Variants in CMBL observed in about 807,000 individuals in gnomAD.
CMBL encodes the protein carboxymethylenebutenolidase homolog.
CMBL carries 17 observed loss-of-function variants against 28.7 expected under a neutral mutation model. The ratio of observed to expected loss-of-function variants is 0.59; its 90% CI spans 0.41 to 0.89. The LOEUF (loss-of-function observed/expected upper bound fraction) is 0.89, where lower values mean the gene tolerates loss of function less well. Ranked by LOEUF, CMBL falls within the 40% of genes least tolerant of loss-of-function variation. The pLI is 0.00. For missense variants in CMBL, 310 were observed against 298.5 expected (o/e 1.04, Z -0.28); for synonymous variants, 106 against 101.6 (o/e 1.04, Z -0.26).
At chr5:10,288,685 C>G (rs1460330666) in intron 2 of CMBL, among the ~76,000 whole-genome samples, 156 bp from the exon 3 acceptor site, 1 of 152,244 alleles carries the variant, frequency 6.6e-6, no homozygotes, top group African/African-American at 2.4e-5. Context: ...AGCAAAGCAG[C>G]CACCTGGCAC....
At chr5:10,282,102 G>T in intron 5 of CMBL, 95 bp downstream of exon 5, 3 of 833,636 alleles carry the variant, frequency 3.6e-6, no homozygotes, top group Admixed American at 2.0e-5. Context: ...GGAGGTTGCA[G>T]TGAGCCGAGA....
In CMBL at chr5:10,278,693, T is replaced by A. The variant is rs1249765848; in HGVS notation, c.*1760A>T. ...ATCTGTAAGCAATAAACTGCTTCTG[T>A]CATTTCTTGGGTTCTGATGAGTTGC... On this transcript the variant is annotated 3_prime_UTR_variant, in exon 6 of 6. Transcript: ENST00000296658. Among the ~76,000 whole-genome samples the A allele has an allele frequency of 6.6e-6, 1 of 152,128 alleles. No homozygotes were observed. Among genetic ancestry groups the A allele is most frequent in the African/African-American group, 2.4e-5 (1 of 41,428 alleles).
At chr5:10,292,930 G>C (rs1306396565) in intron 1 of CMBL, among the ~76,000 whole-genome samples, 2 of 151,832 alleles carry the variant, frequency 1.3e-5, no homozygotes, top group African/African-American at 4.8e-5. Flanking sequence ...GGAGAACACA[G>C]TCTTTACAAG....
intron 4 of CMBL, 71 bp from the exon 5 acceptor site, chr5:10,282,359 G>A (rs546052169): frequency 9.2e-6 from 8 of 865,406 alleles, no homozygotes; most frequent in East Asian, 2.5e-5. Flanking sequence ...CACCCATGCC[G>A]CATGATCCCC....
At chr5:10,282,108 C>T (rs1245965014) in intron 5 of CMBL, 89 bp downstream of exon 5, 16 of 890,182 alleles carry the variant, frequency 1.8e-5, no homozygotes, top group Admixed American at 3.8e-5. Flanking sequence ...TGCAGTGAGC[C>T]GAGATCGCGC....
chr5:10,290,464 C>T, intron 2 of CMBL, 84 bp downstream of exon 2: 3 of 1,144,324 alleles, frequency 2.6e-6, no homozygotes, highest in Admixed American at 1.7e-5. Flanking sequence ...AGTCAGACCG[C>T]TGTGGTTTTA....
chr5:10,305,591 A>G (rs1236145794), intron 1 of CMBL, among the ~76,000 whole-genome samples: 1 of 151,730 alleles, frequency 6.6e-6, no homozygotes, highest in Non-Finnish European at 1.5e-5. Context: ...GTTTTTTTTG[A>G]GACGGAGTCT....
intron 4 of CMBL, among the ~76,000 whole-genome samples, chr5:10,285,271 C>T (rs1014018945): frequency 7.2e-5 from 11 of 152,278 alleles, no homozygotes; most frequent in South Asian, 4.1e-4. Context: ...CGGGTTCAAG[C>T]GATTCTCCTG....
At chr5:10,298,281 G>A (rs780393701) in intron 1 of CMBL, among the ~76,000 whole-genome samples, 4 of 152,038 alleles carry the variant, frequency 2.6e-5, no homozygotes, top group Non-Finnish European at 4.4e-5. Flanking sequence ...CAATCAGAAG[G>A]AAATACTGAA....
intron 4 of CMBL, among the ~76,000 whole-genome samples, chr5:10,284,366 A>C (rs1746559125): frequency 6.6e-6 from 1 of 152,232 alleles, no homozygotes; most frequent in Non-Finnish European, 1.5e-5. Context: ...AAGTAGTTGA[A>C]AATACCACAA....
At chr5:10,298,136 G>C (rs982570284) in intron 1 of CMBL, among the ~76,000 whole-genome samples, 7 of 151,680 alleles carry the variant, frequency 4.6e-5, no homozygotes, top group South Asian at 2.1e-4. Context: ...AGGGACCTGT[G>C]GGGGGAGGAG....
In CMBL at chr5:10,279,498, G is replaced by C. The variant is rs529775372; in HGVS notation, c.*955C>G. The C allele has an allele frequency of 2.0e-5, 3 of 151,666 alleles. No homozygotes were observed. Among genetic ancestry groups the C allele is most frequent in the Non-Finnish European group, 2.9e-5 (2 of 67,960 alleles). The allele number at this position is 151,666 out of a possible 1,614,324, so 9.4% of individuals were successfully genotyped here. A position where few individuals can be genotyped will look rare whatever the true frequency, so the allele number is the denominator to read the frequency against. On this transcript the variant is annotated 3_prime_UTR_variant, in exon 6 of 6. Transcript: ENST00000296658. ...CTTTCTATGATGTGTTCAAAGACCA[G>C]AAAAGGCCACACTTGACCTGTCAGC...
intron 4 of CMBL, among the ~76,000 whole-genome samples, chr5:10,285,700 CTT>C (rs34390937): frequency 1.2e-4 from 16 of 133,672 alleles, no homozygotes; most frequent in Admixed American, 1.5e-4. Flanking sequence ...CTTTCTTTTT[CTT>C]TTTTTTTTTT....
rs749978375 is a variant in CMBL at position 10,288,527 on chromosome 5, G to T, written c.218C>A (p.Thr73Asn). 1.6e-5 allele frequency: 26 copies of T among 1,605,856 alleles called. No homozygotes were observed. The highest frequency in any genetic ancestry group is 1.8e-5 in the Non-Finnish European group (21 of 1,172,632). ...ADMISGNGYT[T>N]IVPDFFVGQE... Reference sequence around the variant, plus strand: ...CCCTACAAAGAAGTCTGGAACAATGGTTCTGCAAAATATGGACATGAATTG... The same window carrying T: ...CCCTACAAAGAAGTCTGGAACAATGTTTCTGCAAAATATGGACATGAATTG... The change falls in exon 3 of 6, where the codon ACC becomes AAC. Residue 73 changes from threonine (T) to asparagine (N), a missense_variant and splice_region_variant. Physicochemically the swap from Thr to Asn is moderately conservative, Grantham distance 65. Transcript: ENST00000296658.
chr5:10,305,340 A>G (rs41417552), intron 1 of CMBL, among the ~76,000 whole-genome samples: 29,121 of 152,008 alleles, frequency 0.19, 4,635 homozygotes, highest in African/African-American at 0.44. Context: ...TGGTATGCAC[A>G]GGAGAGGAGC....
chr5:10,305,194 T>C (rs2126566692), intron 1 of CMBL, among the ~76,000 whole-genome samples: 1 of 152,284 alleles, frequency 6.6e-6, no homozygotes, highest in East Asian at 1.9e-4. Flanking sequence ...TTCCTAGCTC[T>C]GTGGAGTGCC....
At chr5:10,286,029 T>C (rs1025335498) in intron 4 of CMBL, 5 of 211,612 alleles carry the variant, frequency 2.4e-5, no homozygotes, top group African/African-American at 9.2e-5. Flanking sequence ...ATAAAAATCT[T>C]GTGTGATATT....
At chr5:10,304,890 A>G (rs1195741901) in intron 1 of CMBL, among the ~76,000 whole-genome samples, 2 of 152,218 alleles carry the variant, frequency 1.3e-5, no homozygotes, top group African/African-American at 4.8e-5. Context: ...GCTCAAGTAC[A>G]ATGAATGGAG....
intron 5 of CMBL, among the ~76,000 whole-genome samples, chr5:10,281,682 G>T (rs962352258): frequency 2.0e-5 from 3 of 152,228 alleles, no homozygotes; most frequent in African/African-American, 7.2e-5. Context: ...AGGCCATGCT[G>T]AGAATACTTC....
Sources: gnomAD v4.1 joint callset for allele counts (sites outside exome capture counted in the v4.1 genomes callset) on GRCh38, gnomAD v4.1.1 for gene constraint, MANE v1.5 for transcripts, NCBI Gene and HGNC (gene_info 2026-07-23, HGNC 2026-07-21) for gene names.